CNIH3: variants seen among roughly 807,000 people sequenced by gnomAD.
CNIH3 encodes the protein protein cornichon homolog 3.
In CNIH3, 14 loss-of-function variants were observed where a neutral mutation model predicts 24.1. The observed-to-expected ratio is 0.58, with a 90% CI of 0.38 to 0.91. The LOEUF is 0.91. CNIH3 is among the 40% of genes least tolerant of loss of function. CNIH3 has a pLI of 0.00. For synonymous variants in CNIH3, 68 were observed against 73.8 expected, an observed-to-expected ratio of 0.92 and a Z score of 0.40; for missense variants, 178 against 196.8, an observed-to-expected ratio of 0.90 and a Z score of 0.57.
intron 1 of CNIH3, among the ~76,000 whole-genome samples, chr1:224,651,277 T>C (rs998115716): frequency 1.3e-5 from 2 of 152,244 alleles, no homozygotes; most frequent in Admixed American, 6.5e-5. Flanking sequence ...ACATCACTTG[T>C]GCAGTGCAGG....
intron 1 of CNIH3, among the ~76,000 whole-genome samples, chr1:224,470,080 G>A (rs1572308600): frequency 6.6e-6 from 1 of 150,546 alleles, no homozygotes; most frequent in Non-Finnish European, 1.5e-5. Context: ...GTTCAGTGGC[G>A]CGATCTCGGC....
intron 1 of CNIH3, among the ~76,000 whole-genome samples, chr1:224,636,977 A>T: frequency 1.5e-5 from 2 of 134,932 alleles, no homozygotes; most frequent in African/African-American, 2.9e-5. Context: ...TTTGAGATGG[A>T]GTCTCGCATG....
chr1:224,691,048 G>A (rs940520627), intron 3 of CNIH3, among the ~76,000 whole-genome samples: 6 of 152,192 alleles, frequency 3.9e-5, no homozygotes, highest in African/African-American at 1.4e-4. Flanking sequence ...GGAAGAGATG[G>A]GAAGTGGATA....
intron 1 of CNIH3, among the ~76,000 whole-genome samples, chr1:224,452,636 G>A (rs893223426): frequency 5.9e-5 from 9 of 151,326 alleles, no homozygotes; most frequent in African/African-American, 2.2e-4. Context: ...AAAAACATTA[G>A]CCAGGTGTGG....
chr1:224,582,206 C>T (rs1169911328), intron 4 of CNIH3, among the ~76,000 whole-genome samples: 1 of 152,144 alleles, frequency 6.6e-6, no homozygotes, highest in Non-Finnish European at 1.5e-5. Flanking sequence ...TGTGCCTCCT[C>T]CAGCTGTTCC....
rs1002168179 is a variant in CNIH3 at position 224,680,823 on chromosome 1, G to C, written c.82-135G>C. ...TTATTGCCAGCTTCGACAGTGACCAGCTGCTGGCCAATCTCATGCCATCTA... is the reference window on the plus strand; with the variant it reads ...TTATTGCCAGCTTCGACAGTGACCACCTGCTGGCCAATCTCATGCCATCTA... On this transcript the variant is annotated intron_variant, in intron 1 of 5. Transcript: ENST00000272133. 1.9e-5 allele frequency: 13 copies of C among 672,746 alleles called. No individual in the cohort carries two copies. The African/African-American group carries it at 2.3e-4, about 12-fold the overall frequency. 41.7% of individuals were successfully genotyped at this position (672,746 alleles called of 1,614,324 possible). A position where few individuals can be genotyped will look rare whatever the true frequency, so the allele number is the denominator to read the frequency against.
rs187476163 is a variant in CNIH3 at position 224,685,922 on chromosome 1, G to A, written c.198+1079G>A. ...TGATCCAAGGAATAAAGAATGATTAGGAAAATAACATAATATGAATTCACA... is the reference window on the plus strand; with the variant it reads ...TGATCCAAGGAATAAAGAATGATTAAGAAAATAACATAATATGAATTCACA... On this transcript the variant is annotated intron_variant, in intron 3 of 5. Transcript: ENST00000272133. 2.8e-3 allele frequency among the ~76,000 whole-genome samples: 424 copies of A among 151,970 alleles called. 1 individual carries two copies. The highest frequency in any genetic ancestry group is 4.8e-3 in the Non-Finnish European group (326 of 67,986).
chr1:224,614,918 G>A (rs1315636349), upstream of CNIH3, among the ~76,000 whole-genome samples: 3 of 151,096 alleles, frequency 2.0e-5, no homozygotes, highest in African/African-American at 7.3e-5. Context: ...CCAGCCTGGC[G>A]ACAAAGTGAG....
chr1:224,589,279 G>T (rs1311393905), downstream of CNIH3, among the ~76,000 whole-genome samples: 1 of 152,094 alleles, frequency 6.6e-6, no homozygotes, highest in Non-Finnish European at 1.5e-5. Context: ...CTCACTTCCT[G>T]TCCTCACTGT....
At chr1:224,521,664 C>T (rs1042921334) in intron 2 of CNIH3, 8 of 152,154 alleles carry the variant, frequency 5.3e-5, no homozygotes. Flanking sequence ...ACCTGCCTAC[C>T]TACCTGAATG....
rs75972680 is a variant in CNIH3 at position 224,696,796 on chromosome 1, G to A, written c.198+11953G>A. On this transcript the variant is annotated intron_variant, in intron 3 of 5. Coordinates refer to ENST00000272133, the MANE Select transcript of CNIH3 (RefSeq NM_152495.2). ...TTTGTGTGTGTGTGTGTGTGTGTGT[G>A]TATGTGGTGTGTCAGTTGTGAAGAC... 5.4e-3 allele frequency among the ~76,000 whole-genome samples: 800 copies of A among 147,864 alleles called. 6 individuals are homozygous for A. Among genetic ancestry groups the A allele is most frequent in the African/African-American group, 0.019 (760 of 40,794 alleles).
At chr1:224,643,636 G>T (rs1164799951) in intron 1 of CNIH3, among the ~76,000 whole-genome samples, 1 of 152,194 alleles carries the variant, frequency 6.6e-6, no homozygotes, top group Non-Finnish European at 1.5e-5. Context: ...CACAGCCACA[G>T]AAAATTACAC....
intron 1 of CNIH3, among the ~76,000 whole-genome samples, chr1:224,490,753 C>T (rs1185342877): frequency 1.3e-5 from 2 of 152,076 alleles, no homozygotes; most frequent in East Asian, 1.9e-4. Context: ...GAAACTTCAG[C>T]GGAATTAAAT....
rs115709846 is a variant in CNIH3, at chr1:224,636,909, T to A, written c.81+19654T>A. ...TCATCTATCTATCTACAGTATCTAATCTATTATCTGTCTATCATCTATCTG... is the reference window on the plus strand; with the variant it reads ...TCATCTATCTATCTACAGTATCTAAACTATTATCTGTCTATCATCTATCTG... On this transcript the variant is annotated intron_variant, in intron 1 of 5. Coordinates refer to ENST00000272133, the MANE Select transcript of CNIH3 (RefSeq NM_152495.2). 5.6e-3 allele frequency among the ~76,000 whole-genome samples: 849 copies of A among 152,200 alleles called. 8 individuals are homozygous for A. The highest frequency in any genetic ancestry group is 0.019 in the African/African-American group (799 of 41,534).
intron 1 of CNIH3, among the ~76,000 whole-genome samples, chr1:224,632,068 A>G (rs1683847269): frequency 6.6e-6 from 1 of 152,196 alleles, no homozygotes; most frequent in African/African-American, 2.4e-5. Context: ...TGCAAAGAGT[A>G]GGAGATAGGA....
At chr1:224,706,919 A>G (rs558530194) in intron 3 of CNIH3, among the ~76,000 whole-genome samples, 1 of 150,028 alleles carries the variant, frequency 6.7e-6, no homozygotes, top group South Asian at 2.1e-4. Flanking sequence ...TACTTTAAAA[A>G]TCCAACCTCT....
At chr1:224,737,560 GC>G (rs1183994549) in intron 5 of CNIH3, among the ~76,000 whole-genome samples, 1 of 152,080 alleles carries the variant, frequency 6.6e-6, no homozygotes, top group East Asian at 1.9e-4. Context: ...CTGGTGGAGA[GC>G]ACAGCAGCGT....
chr1:224,648,465 T>G (rs1684720886), intron 1 of CNIH3, among the ~76,000 whole-genome samples: 1 of 150,054 alleles, frequency 6.7e-6, no homozygotes, highest in Non-Finnish European at 1.5e-5. Flanking sequence ...TGGGAAGGGA[T>G]GAGTTTACCA....
At chr1:224,667,246 A>G (rs1685640233) in intron 1 of CNIH3, among the ~76,000 whole-genome samples, 1 of 152,246 alleles carries the variant, frequency 6.6e-6, no homozygotes, top group Non-Finnish European at 1.5e-5. Flanking sequence ...GTAAGAGTCT[A>G]TCTTTGTGTC....
Sources: allele counts gnomAD v4.1 joint callset (sites outside exome capture counted in the v4.1 genomes callset), GRCh38; gene constraint gnomAD v4.1.1; transcripts MANE v1.5; gene names NCBI Gene and HGNC (gene_info 2026-07-23, HGNC 2026-07-21).